The following TMEM51 variants were observed in gnomAD, a reference collection of about 807,000 sequenced individuals.
TMEM51 encodes the protein transmembrane protein 51, also known as chromosome 1 open reading frame 72.
In TMEM51, 8 loss-of-function variants were observed where a neutral mutation model predicts 13.6. The observed-to-expected ratio is 0.59, with a 90% CI of 0.35 to 1.07. The LOEUF is 1.07. TMEM51 is among the 50% of genes least tolerant of loss of function. TMEM51 has a pLI of 0.02. For synonymous variants in TMEM51, 147 were observed against 144.4 expected (o/e 1.02, Z -0.13); for missense variants, 279 against 330.7 (o/e 0.84, Z 1.21).
chr1:15,219,571 G>T lies in TMEM51; in HGVS notation c.590G>T (p.Arg197Leu). The stretch of plus-strand genomic sequence containing the variant: ...AGGCAGAACTCTAAGTTGGCCAAAC[G>T]ACTGAAACCGCTGAAAGTTCGAAGG... ...PDRQNSKLAK[R>L]LKPLKVRRIK... is the part of the protein sequence containing the mutation. The change falls in exon 4 of 4, where the codon CGA (arginine) becomes CTA (leucine). Residue 197 changes from arginine (R) to leucine (L), a missense_variant. Transcript: ENST00000376008. The T allele has an allele frequency of 5.0e-6, 8 of 1,614,006 alleles. No homozygotes were observed. Among genetic ancestry groups the T allele is most frequent in the South Asian group, 1.1e-5 (1 of 91,068 alleles).
At chr1:15,155,232 C>T (rs1642549121) in intron 1 of TMEM51, among the ~76,000 whole-genome samples, 1 of 147,568 alleles carries the variant, frequency 6.8e-6, no homozygotes, top group Non-Finnish European at 1.5e-5. Flanking sequence ...GCTGACAGCT[C>T]TCTGATGGGG....
At chr1:15,206,847 C>A (rs1471215329) in intron 1 of TMEM51, among the ~76,000 whole-genome samples, 1 of 152,156 alleles carries the variant, frequency 6.6e-6, no homozygotes, top group Admixed American at 6.5e-5. Flanking sequence ...GCCTCATTTG[C>A]ACATTGCTTT....
intron 1 of TMEM51, among the ~76,000 whole-genome samples, chr1:15,190,778 T>G (rs1643906432): frequency 6.6e-6 from 1 of 151,994 alleles, no homozygotes; most frequent in Non-Finnish European, 1.5e-5. Flanking sequence ...GTTTTTGGTT[T>G]TTTGTTTTGT....
At chr1:15,188,059 T>G (rs1412258334) in intron 1 of TMEM51, among the ~76,000 whole-genome samples, 3 of 152,144 alleles carry the variant, frequency 2.0e-5, no homozygotes, top group African/African-American at 7.2e-5. Context: ...TTAAAAAAAT[T>G]TATTAGATGA....
chr1:15,186,526 GC>G (rs1170920040), intron 1 of TMEM51, among the ~76,000 whole-genome samples: 4 of 152,204 alleles, frequency 2.6e-5, no homozygotes, highest in Admixed American at 2.0e-4. Flanking sequence ...TAGTGACTCT[GC>G]CGATAGGGGA....
Position 15,215,412 on chromosome 1 carries a change from C to T in TMEM51, c.325C>T (p.His109Tyr). 1 of 1,604,690 alleles carries T rather than the reference C, an allele frequency of 6.2e-7. No individual in the cohort carries two copies. Among genetic ancestry groups the T allele is most frequent in the Non-Finnish European group, 8.5e-7 (1 of 1,176,932 alleles). ...HVQHPTGAGPHAQEEDSQEEE... is the reference protein window; with the variant it reads ...HVQHPTGAGPYAQEEDSQEEE... ...CCAGCACCCGACAGGCGCTGGGCCT[C>T]ACGCCCAGGAGGAAGACAGGTGAGG... The change falls in exon 3 of 4, where the codon CAC (histidine) becomes TAC (tyrosine). Residue 109 changes from histidine to tyrosine, a missense_variant. His to Tyr is a moderately conservative substitution (Grantham distance 83). Coordinates refer to ENST00000376008, the MANE Select transcript of TMEM51 (RefSeq NM_001136218.2).
At chr1:15,196,196 G>A (rs1469248886) in intron 1 of TMEM51, among the ~76,000 whole-genome samples, 1 of 152,208 alleles carries the variant, frequency 6.6e-6, no homozygotes, top group Non-Finnish European at 1.5e-5. Flanking sequence ...TGTGTGGGAT[G>A]TGAACTCAGC....
chr1:15,215,497 T>C (rs2100360480), intron 3 of TMEM51, 66 bp downstream of exon 3: 1 of 1,381,386 alleles, frequency 7.2e-7, no homozygotes, highest in Non-Finnish European at 9.7e-7. Flanking sequence ...CACACACATG[T>C]TCACACCTTT....
In TMEM51 at chr1:15,175,103, T is replaced by C. The variant is rs16851363; in HGVS notation, c.-267+21149T>C. 8.6e-4 allele frequency among the ~76,000 whole-genome samples: 131 copies of C among 152,276 alleles called. 9 individuals carry two copies. In the East Asian group the frequency reaches 0.011, roughly 13 times the overall value. On this transcript the variant is annotated intron_variant, in intron 1 of 3. Transcript: ENST00000376008. ...CTTCTCCATTTGTCAACTTTGACTC[T>C]AAACTAGGGCCGTAGGCTGGGTGCA...
chr1:15,182,203 A>G (rs548224226), intron 1 of TMEM51, among the ~76,000 whole-genome samples: 19 of 76,356 alleles, frequency 2.5e-4, no homozygotes, highest in Non-Finnish European at 4.5e-4. Context: ...TAAATAAATA[A>G]ATAACTGCAC....
rs1644475472 is a variant in TMEM51 at position 15,219,303 on chromosome 1, CCTGT to C, written c.345-18_345-15del. Reference sequence around the variant, plus strand: ...GACTTGAGCACAGGCTAACACTCTCCCTGTCTGTGTGTCTTCTTGCAGCCAGGAG... The same window carrying C: ...GACTTGAGCACAGGCTAACACTCTCCCTGTGTGTCTTCTTGCAGCCAGGAG... On this transcript the variant is annotated intron_variant, in intron 3 of 3. Coordinates refer to ENST00000376008, the MANE Select transcript of TMEM51 (RefSeq NM_001136218.2). The C allele has an allele frequency of 1.9e-6, 3 of 1,557,124 alleles. No individual in the cohort carries two copies. The highest frequency in any genetic ancestry group is 1.4e-5 in the African/African-American group (1 of 73,396).
At chr1:15,184,710 G>A (rs1212859287) in intron 1 of TMEM51, among the ~76,000 whole-genome samples, 5 of 152,048 alleles carry the variant, frequency 3.3e-5, no homozygotes, top group African/African-American at 1.2e-4. Flanking sequence ...CACTTGCTGA[G>A]GTGTTAAATA....
At chr1:15,217,860 A>G (rs1476289140) in intron 3 of TMEM51, among the ~76,000 whole-genome samples, 1 of 152,216 alleles carries the variant, frequency 6.6e-6, no homozygotes, top group Non-Finnish European at 1.5e-5. Flanking sequence ...TCACTCTCAC[A>G]GTGTTTAATA....
intron 1 of TMEM51, chr1:15,168,814 G>A: frequency 7.8e-7 from 1 of 1,278,630 alleles, no homozygotes; most frequent in Non-Finnish European, 1.0e-6. Context: ...GGGAATTCCT[G>A]GGAGTCAGAG....
chr1:15,169,037 A>G (rs1427679867), intron 1 of TMEM51, among the ~76,000 whole-genome samples: 1 of 152,178 alleles, frequency 6.6e-6, no homozygotes, highest in Non-Finnish European at 1.5e-5. Context: ...AAGGCACTCC[A>G]GTTACATTTT....
Position 15,195,077 on chromosome 1 carries a change from A to T in TMEM51, c.-266-15413A>T, listed in dbSNP as rs370273161. 2.0e-5 allele frequency among the ~76,000 whole-genome samples: 3 copies of T among 151,662 alleles called. No homozygotes were observed. In the South Asian group the frequency reaches 6.3e-4, roughly 32 times the overall value. On this transcript the variant is annotated intron_variant, in intron 1 of 3. Coordinates refer to ENST00000376008, the MANE Select transcript of TMEM51 (RefSeq NM_001136218.2). ...GTAGCTGGGACTACAGGCACTCACCACCATGCCCCGTTAGTTTTTTTGTGT... is the reference window on the plus strand; with the variant it reads ...GTAGCTGGGACTACAGGCACTCACCTCCATGCCCCGTTAGTTTTTTTGTGT...
intron 1 of TMEM51, among the ~76,000 whole-genome samples, chr1:15,194,342 A>T (rs1228226450): frequency 6.6e-6 from 1 of 152,226 alleles, no homozygotes; most frequent in Admixed American, 6.5e-5. Flanking sequence ...TAAGCCTCAG[A>T]AACTTGATGA....
In TMEM51 at chr1:15,215,386, T is replaced by C; in HGVS notation, c.299T>C (p.Val100Ala). The C allele has an allele frequency of 6.2e-7, 1 of 1,607,048 alleles. No individual in the cohort carries two copies. The highest frequency in any genetic ancestry group is 8.5e-7 in the Non-Finnish European group (1 of 1,179,024). ...CGGCAGGGCGAGGACCTGGCCCATG[T>C]CCAGCACCCGACAGGCGCTGGGCCT... ...KQRQGEDLAH[V>A]QHPTGAGPHA... The change falls in exon 3 of 4, where the codon GTC (valine) becomes GCC (alanine). Residue 100 changes from valine (V) to alanine (A), a missense_variant. By Grantham distance (64) the Val-to-Ala change is moderately conservative (BLOSUM62 0). Coordinates refer to ENST00000376008, the MANE Select transcript of TMEM51 (RefSeq NM_001136218.2).
chr1:15,168,705 A>G, intron 1 of TMEM51: 1 of 1,304,478 alleles, frequency 7.7e-7, no homozygotes, highest in Non-Finnish European at 1.0e-6. Context: ...TGTCTCTCCC[A>G]GGGTGAGCCA....
Sources: gnomAD v4.1 joint callset for allele counts (sites outside exome capture counted in the v4.1 genomes callset) on GRCh38, gnomAD v4.1.1 for gene constraint, MANE v1.5 for transcripts, NCBI Gene and HGNC (gene_info 2026-07-23, HGNC 2026-07-21) for gene names.